RASGRF1: variants seen among roughly 807,000 people sequenced by gnomAD.
RASGRF1 encodes the protein Ras protein specific guanine nucleotide releasing factor 1.
Under a neutral mutation model 138.7 loss-of-function variants are expected in RASGRF1, and 40 were observed. The observed-to-expected ratio is 0.29, with a 90% CI of 0.22 to 0.38. The LOEUF (loss-of-function observed/expected upper bound fraction) is 0.38. Among genes scored for constraint, RASGRF1 ranks in the 10% least tolerant of loss-of-function variants. The pLI is 1.00. For missense variants in RASGRF1, 1,108 were observed against 1,650.4 expected (o/e 0.67, Z 5.69); for synonymous variants, 614 against 663.2 (o/e 0.93, Z 1.14).
chr15:78,981,591 C>T (rs2056033254), intron 23 of RASGRF1: 1 of 152,192 alleles, frequency 6.6e-6, no homozygotes, highest in South Asian at 2.1e-4. Flanking sequence ...CAGATTTCTG[C>T]TGAGAAATTT....
chr15:79,036,181 A>AC (rs1253550966), intron 5 of RASGRF1, among the ~76,000 whole-genome samples: 1 of 150,732 alleles, frequency 6.6e-6, no homozygotes, highest in Non-Finnish European at 1.5e-5. Flanking sequence ...TTCCTGCCCA[A>AC]CCATTTTCCC....
intron 20 of RASGRF1, among the ~76,000 whole-genome samples, chr15:78,995,290 CTTTT>C (rs35098582): frequency 3.0e-5 from 4 of 132,424 alleles, no homozygotes; most frequent in African/African-American, 2.9e-5. Flanking sequence ...TTTTTTCTTT[CTTTT>C]TTTTTTTTTT....
At chr15:79,058,600 C>A in intron 2 of RASGRF1, 119 bp from the exon 3 acceptor site, 1 of 1,293,810 alleles carries the variant, frequency 7.7e-7, no homozygotes, top group Non-Finnish European at 1.1e-6. Context: ...AAGGCCCTGA[C>A]TCCCAGCACC....
intron 11 of RASGRF1, among the ~76,000 whole-genome samples, 186 bp from the exon 12 acceptor site, chr15:79,018,092 A>C (rs2056906576): frequency 6.6e-6 from 1 of 152,254 alleles, no homozygotes; most frequent in Admixed American, 6.5e-5. Flanking sequence ...AGATGGAAGA[A>C]CTAAGACGTA....
At chr15:78,994,698 A>G (rs2056352147) in intron 20 of RASGRF1, among the ~76,000 whole-genome samples, 1 of 152,108 alleles carries the variant, frequency 6.6e-6, no homozygotes. Flanking sequence ...GAATGCCACT[A>G]TGAGCTTGGA....
At chr15:79,063,639 G>A (rs1251008793) in intron 2 of RASGRF1, among the ~76,000 whole-genome samples, 2 of 152,140 alleles carry the variant, frequency 1.3e-5, no homozygotes, top group African/African-American at 4.8e-5. Flanking sequence ...ATCACATCTG[G>A]TCGCTGCCCT....
chr15:78,978,215 C>CTTTTTTTTTTTTTTTTT lies in RASGRF1; in HGVS notation c.3494+2404_3494+2405insAAAAAAAAAAAAAAAAA, dbSNP rs2055915117. On this transcript the variant is annotated intron_variant, in intron 24 of 26. Transcript: ENST00000558480. ...TTTTTCTTCTTTTTCTTTTTCTTTT[C>CTTTTTTTTTTTTTTTTT]TTTTGTTTTTTTTTTTTTTTTTTTT... 2.0e-4 allele frequency among the ~76,000 whole-genome samples: 16 copies of CTTTTTTTTTTTTTTTTT among 79,358 alleles called. 2 individuals carry two copies. The highest frequency in any genetic ancestry group is 8.2e-4 in the African/African-American group (16 of 19,628). 52.1% of individuals were successfully genotyped at this position (79,358 alleles called of 152,430 possible).
chr15:79,067,687 G>C (rs1270762071), intron 1 of RASGRF1, among the ~76,000 whole-genome samples: 1 of 152,224 alleles, frequency 6.6e-6, no homozygotes, highest in African/African-American at 2.4e-5. Flanking sequence ...CTTCCACCCA[G>C]AGTTTCTGAA....
chr15:79,061,759 CT>C (rs1466056488), intron 2 of RASGRF1, among the ~76,000 whole-genome samples: 1 of 152,138 alleles, frequency 6.6e-6, no homozygotes, highest in Non-Finnish European at 1.5e-5. Context: ...TAGCTGGTTC[CT>C]TTTACTGCTG....
At chr15:78,972,725 C>T (rs138455904) in intron 25 of RASGRF1, among the ~76,000 whole-genome samples, 3 of 152,118 alleles carry the variant, frequency 2.0e-5, no homozygotes, top group East Asian at 1.9e-4. Context: ...GGCTTTCTGG[C>T]GAAGTGAGAG....
chr15:78,985,656 C>T (rs1396513814), intron 22 of RASGRF1: 1 of 158,582 alleles, frequency 6.3e-6, no homozygotes, highest in East Asian at 1.8e-4. Context: ...TGGCTCACAC[C>T]TGTAATCCCA....
In RASGRF1 at chr15:79,031,443, T is replaced by G. The variant is rs1235590828; in HGVS notation, c.1219A>C (p.Asn407His). ...AHTPHEHVER[N>H]SLDYAKSKLE... The stretch of plus-strand genomic sequence containing the variant: ...TTGGACTTGGCGTAGTCCAGGCTGT[T>G]GCGCTCAACGTGCTCATGAGGCGTG... Residue 407 changes from asparagine to histidine, a missense_variant, in exon 8 of 27, where the codon AAC becomes CAC. Asn to His is a moderately conservative substitution (Grantham distance 68). Transcript: ENST00000558480. 1.2e-6 allele frequency: 2 copies of G among 1,613,310 alleles called. No individual in the cohort carries two copies. The highest frequency in any genetic ancestry group is 8.5e-7 in the Non-Finnish European group (1 of 1,179,728).
rs12440328 is a variant in RASGRF1, at chr15:78,972,675, C to T, written c.3612+628G>A. 8.3e-3 allele frequency among the ~76,000 whole-genome samples: 1,262 copies of T among 152,174 alleles called. 76 individuals are homozygous for T. The highest frequency in any genetic ancestry group is 0.073 in the Admixed American group (1,110 of 15,266). Reference sequence around the variant, plus strand: ...AAAACCCTTTCCATCCAACAAAAATCTAATGTCAAGGCCCATTATATAAAA... The same window carrying T: ...AAAACCCTTTCCATCCAACAAAAATTTAATGTCAAGGCCCATTATATAAAA... On this transcript the variant is annotated intron_variant, in intron 25 of 26. Transcript: ENST00000558480.
chr15:79,029,865 G>A (rs1212526640), intron 8 of RASGRF1, among the ~76,000 whole-genome samples: 1 of 152,172 alleles, frequency 6.6e-6, no homozygotes, highest in African/African-American at 2.4e-5. Context: ...TAAGGGATCA[G>A]GGTCTTATGT....
At chr15:79,069,012 G>T (rs893686047) in intron 1 of RASGRF1, among the ~76,000 whole-genome samples, 6 of 152,094 alleles carry the variant, frequency 3.9e-5, no homozygotes, top group African/African-American at 1.2e-4. Flanking sequence ...GGGGTGGGGG[G>T]TGTCTGCACT....
chr15:79,072,974 A>G (rs566531563), intron 1 of RASGRF1, among the ~76,000 whole-genome samples: 15 of 152,328 alleles, frequency 9.8e-5, no homozygotes, highest in African/African-American at 3.6e-4. Context: ...CAATGGGACC[A>G]CATAGGCTTG....
At chr15:79,039,365 A>G (rs1055695126) in intron 5 of RASGRF1, among the ~76,000 whole-genome samples, 3 of 147,556 alleles carry the variant, frequency 2.0e-5, no homozygotes, top group Non-Finnish European at 3.0e-5. Context: ...TGGACTTTCT[A>G]TTTTATTTTG....
At chr15:79,079,980 A>T (rs1304707998) in intron 1 of RASGRF1, among the ~76,000 whole-genome samples, 1 of 152,236 alleles carries the variant, frequency 6.6e-6, no homozygotes, top group Non-Finnish European at 1.5e-5. Context: ...AAGAGCCAGC[A>T]GATGCGACTC....
chr15:79,074,635 C>G (rs2057808111), intron 1 of RASGRF1, among the ~76,000 whole-genome samples: 1 of 152,182 alleles, frequency 6.6e-6, no homozygotes, highest in Non-Finnish European at 1.5e-5. Flanking sequence ...ACACCCAGGC[C>G]CCATAATGCA....
Sources: gnomAD v4.1 joint callset for allele counts (sites outside exome capture counted in the v4.1 genomes callset) on GRCh38, gnomAD v4.1.1 for gene constraint, MANE v1.5 for transcripts, NCBI Gene and HGNC (gene_info 2026-07-23, HGNC 2026-07-21) for gene names.